Variants in CUX2 observed in about 807,000 individuals in gnomAD.
CUX2 encodes the protein homeobox protein cut-like 2.
CUX2 carries 40 observed loss-of-function variants against 144.8 expected under a neutral mutation model. The observed-to-expected ratio is 0.28, with a 90% CI of 0.21 to 0.36. The LOEUF (loss-of-function observed/expected upper bound fraction) is 0.36. Among genes scored for constraint, CUX2 ranks in the 10% least tolerant of loss-of-function variants. The pLI is 1.00. For synonymous variants in CUX2, 827 were observed against 875.6 expected (o/e 0.94, Z 0.98); for missense variants, 1,615 against 1,994.0 (o/e 0.81, Z 3.62).
intron 1 of CUX2, among the ~76,000 whole-genome samples, chr12:111,202,385 G>T (rs1880647161): frequency 1.3e-5 from 2 of 152,152 alleles, no homozygotes; most frequent in African/African-American, 4.8e-5. Context: ...ATGTGGCTCT[G>T]GTTTTCGGGG....
chr12:111,089,580 G>T (rs758146211), intron 1 of CUX2, among the ~76,000 whole-genome samples: 1 of 152,152 alleles, frequency 6.6e-6, no homozygotes, highest in African/African-American at 2.4e-5. Context: ...TTCTGAGCAG[G>T]GCAGTATGTG....
At chr12:111,056,683 G>A (rs912332224) in intron 1 of CUX2, among the ~76,000 whole-genome samples, 1 of 152,234 alleles carries the variant, frequency 6.6e-6, no homozygotes, top group Non-Finnish European at 1.5e-5. Flanking sequence ...CAGGTTCAAA[G>A]GGAGGAGGAC....
intron 1 of CUX2, among the ~76,000 whole-genome samples, chr12:111,115,690 C>T (rs1874254732): frequency 1.3e-5 from 2 of 152,154 alleles, no homozygotes; most frequent in East Asian, 3.8e-4. Context: ...TCAAGGAGGT[C>T]TTTGTTATCT....
chr12:111,185,233 T>C (rs1405596612), intron 1 of CUX2, among the ~76,000 whole-genome samples: 3 of 152,252 alleles, frequency 2.0e-5, no homozygotes, highest in Non-Finnish European at 4.4e-5. Context: ...TGAATTCTTC[T>C]GTGCTGTTGC....
At chr12:111,260,748 G>A (rs1304697782) in intron 3 of CUX2, among the ~76,000 whole-genome samples, 2 of 152,114 alleles carry the variant, frequency 1.3e-5, no homozygotes, top group Non-Finnish European at 2.9e-5. Context: ...GGGAAAGTAG[G>A]GGGTGCTCTA....
chr12:111,045,161 T>A (rs12099946), intron 1 of CUX2, among the ~76,000 whole-genome samples: 1,680 of 152,298 alleles, frequency 0.011, 39 homozygotes, highest in African/African-American at 0.038. Context: ...CCAGCAGGCA[T>A]GAGAAAGCGG....
chr12:111,222,770 T>A (rs1286372117), intron 3 of CUX2, among the ~76,000 whole-genome samples: 2 of 152,140 alleles, frequency 1.3e-5, no homozygotes, highest in Admixed American at 1.3e-4. Flanking sequence ...ATGGTGGGCG[T>A]GCATGGTTGT....
chr12:111,148,724 G>A (rs752154114), intron 1 of CUX2, among the ~76,000 whole-genome samples: 5 of 152,216 alleles, frequency 3.3e-5, no homozygotes, highest in East Asian at 1.9e-4. Context: ...GGCTGGGCCC[G>A]GTGGCTTACA....
intron 9 of CUX2, among the ~76,000 whole-genome samples, chr12:111,302,500 G>A (rs559667642): frequency 1.3e-5 from 2 of 152,140 alleles, no homozygotes; most frequent in Admixed American, 6.6e-5. Context: ...TCGCATAACC[G>A]GAAAGTTGCA....
chr12:111,324,170 G>GA (rs1190658070), intron 18 of CUX2, among the ~76,000 whole-genome samples: 1 of 152,030 alleles, frequency 6.6e-6, no homozygotes, highest in Non-Finnish European at 1.5e-5. Context: ...CCAACATGGT[G>GA]AAACCCCGTC....
intron 1 of CUX2, among the ~76,000 whole-genome samples, chr12:111,084,392 A>T (rs767526400): frequency 5.9e-5 from 9 of 152,156 alleles, no homozygotes; most frequent in Admixed American, 6.5e-5. Context: ...ATATTTAGAA[A>T]GTGTGATTTT....
chr12:111,100,168 C>A, intron 1 of CUX2: 1 of 422,484 alleles, frequency 2.4e-6, no homozygotes, highest in Non-Finnish European at 4.7e-6. Context: ...GATGTGAGAG[C>A]AGGAGCCTGT....
rs537665369 is a variant in CUX2, at chr12:111,206,227, G to C, written c.64-7973G>C. On this transcript the variant is annotated intron_variant, in intron 1 of 21. Transcript: ENST00000261726. ...TGCACCCATGGTCCCAGCTACTTGG[G>C]AGGCTGAGAAGGGAGCATTGCTTGG... Among the ~76,000 whole-genome samples, 3 of 152,324 alleles carry C rather than the reference G, an allele frequency of 2.0e-5. No homozygotes were observed. In the South Asian group the frequency reaches 6.2e-4, roughly 32 times the overall value.
chr12:111,059,516 C>T lies in CUX2; in HGVS notation c.63+25276C>T, dbSNP rs1239086550. On this transcript the variant is annotated intron_variant, in intron 1 of 21. Transcript: ENST00000261726. This position sits in a 1 kb window ranked among gnomAD's most constrained non-coding sequence, Gnocchi z 5.3. ...GAGGGCCCCATTGATGCCTCAGTTT[C>T]CCTCACCTTCCAAATGGGGCACGTG... Among the ~76,000 whole-genome samples the T allele has an allele frequency of 6.6e-6, 1 of 152,140 alleles. No individual in the cohort carries two copies. The highest frequency in any genetic ancestry group is 1.5e-5 in the Non-Finnish European group (1 of 68,032).
chr12:111,146,664 G>T (rs778117697), intron 1 of CUX2, among the ~76,000 whole-genome samples: 3 of 152,140 alleles, frequency 2.0e-5, no homozygotes, highest in African/African-American at 4.8e-5. Flanking sequence ...GGACACTAAC[G>T]TGCGGGTGTG....
In CUX2 at chr12:111,068,534, C is replaced by A. The variant is rs1447309655; in HGVS notation, c.63+34294C>A. On this transcript the variant is annotated intron_variant, in intron 1 of 21. Transcript: ENST00000261726. The surrounding 1 kb of genome is among the most constrained non-coding windows in gnomAD (Gnocchi z 4.9). Reference sequence around the variant, plus strand: ...GAAAGCCTTCAGCCCAAACTCTGGGCTCTCCGGGGACCCAGGAGCGCATCC... The same window carrying A: ...GAAAGCCTTCAGCCCAAACTCTGGGATCTCCGGGGACCCAGGAGCGCATCC... Among the ~76,000 whole-genome samples, 2 of 152,206 alleles carry A rather than the reference C, an allele frequency of 1.3e-5. No individual in the cohort carries two copies. Among genetic ancestry groups the A allele is most frequent in the Non-Finnish European group, 2.9e-5 (2 of 68,038 alleles).
intron 18 of CUX2, among the ~76,000 whole-genome samples, chr12:111,332,107 G>T (rs1166431079): frequency 2.7e-5 from 4 of 145,944 alleles, no homozygotes; most frequent in Non-Finnish European, 6.0e-5. Flanking sequence ...AATGAAAAAT[G>T]TAGTTTAAAA....
intron 7 of CUX2, among the ~76,000 whole-genome samples, chr12:111,296,061 T>C (rs1885969658): frequency 6.6e-6 from 1 of 151,020 alleles, no homozygotes; most frequent in African/African-American, 2.4e-5. Flanking sequence ...GCCTGCCAGG[T>C]TGGAACCTCG....
At chr12:111,050,088 C>G (rs1870189209) in intron 1 of CUX2, among the ~76,000 whole-genome samples, 2 of 152,158 alleles carry the variant, frequency 1.3e-5, no homozygotes, top group Admixed American at 1.3e-4. Flanking sequence ...TCCTGCTCAG[C>G]CACATTTATA....
Sources: allele counts gnomAD v4.1 joint callset (sites outside exome capture counted in the v4.1 genomes callset), GRCh38; gene constraint gnomAD v4.1.1; non-coding constraint Gnocchi (gnomAD v3.1); transcripts MANE v1.5; gene names NCBI Gene and HGNC (gene_info 2026-07-23, HGNC 2026-07-21).